ACVR1: variants seen among roughly 807,000 people sequenced by gnomAD.
ACVR1 encodes activin A receptor type 1.
Under a neutral mutation model 57.1 loss-of-function variants are expected in ACVR1, and 38 were observed. That is an observed-to-expected ratio of 0.67 (90% CI 0.51 to 0.87). The LOEUF (loss-of-function observed/expected upper bound fraction) is 0.87, where lower values mean the gene tolerates loss of function less well. Ranked by LOEUF, ACVR1 falls within the 40% of genes least tolerant of loss-of-function variation. The pLI, the probability that ACVR1 is intolerant of heterozygous loss-of-function variation, is 0.00. For synonymous variants in ACVR1, 212 were observed against 228.1 expected (o/e 0.93, Z 0.63); for missense variants, 463 against 638.2 (o/e 0.73, Z 2.96).
intron 1 of ACVR1, chr2:157,838,473 T>C (rs112409299): frequency 2.5e-4 from 38 of 152,122 alleles, no homozygotes; most frequent in Non-Finnish European, 4.0e-4. Flanking sequence ...TCTTTTTTAT[T>C]CAAAAAGGAA....
At chr2:157,859,449 G>A (rs1013868906) in intron 1 of ACVR1, among the ~76,000 whole-genome samples, 3 of 152,202 alleles carry the variant, frequency 2.0e-5, no homozygotes, top group Non-Finnish European at 4.4e-5. Context: ...CTATGGAGGA[G>A]CCATTCTTCC....
At chr2:157,837,377 A>T (rs1688818614) in intron 1 of ACVR1, among the ~76,000 whole-genome samples, 1 of 152,242 alleles carries the variant, frequency 6.6e-6, no homozygotes, top group South Asian at 2.1e-4. Flanking sequence ...ACAGTCACAG[A>T]AGAGAGCTTC....
intron 1 of ACVR1, among the ~76,000 whole-genome samples, chr2:157,834,750 T>G (rs1688718951): frequency 6.6e-6 from 1 of 152,190 alleles, no homozygotes; most frequent in Admixed American, 6.5e-5. Context: ...AATTCATATG[T>G]TGTAACCTAA....
chr2:157,803,960 T>C (rs1687423811), intron 2 of ACVR1, among the ~76,000 whole-genome samples: 1 of 152,188 alleles, frequency 6.6e-6, no homozygotes, highest in African/African-American at 2.4e-5. Context: ...AAACATGTTA[T>C]GAGAAAAGTG....
chr2:157,853,003 T>A (rs533044284), intron 1 of ACVR1, among the ~76,000 whole-genome samples: 1 of 152,342 alleles, frequency 6.6e-6, no homozygotes, highest in South Asian at 2.1e-4. Flanking sequence ...AAACTTATTG[T>A]AGCTAGTAAT....
intron 1 of ACVR1, among the ~76,000 whole-genome samples, chr2:157,828,275 C>T (rs1688459392): frequency 6.6e-6 from 1 of 151,886 alleles, no homozygotes; most frequent in Admixed American, 6.6e-5. Flanking sequence ...TGGTGAAACC[C>T]CGTCTCTACA....
At chr2:157,777,103 A>ATT (rs1686318716) in intron 5 of ACVR1, among the ~76,000 whole-genome samples, 1 of 152,192 alleles carries the variant, frequency 6.6e-6, no homozygotes, top group South Asian at 2.1e-4. Context: ...ATAACCTTCT[A>ATT]TTTAGAGCAA....
intron 1 of ACVR1, among the ~76,000 whole-genome samples, chr2:157,858,272 T>C (rs947143566): frequency 6.6e-6 from 1 of 152,066 alleles, no homozygotes; most frequent in Admixed American, 6.5e-5. Context: ...TCTCAGGCTG[T>C]TCCCAGACTC....
chr2:157,742,015 T>C (rs1042439150), intron 9 of ACVR1, among the ~76,000 whole-genome samples: 4 of 151,798 alleles, frequency 2.6e-5, no homozygotes, highest in Admixed American at 1.3e-4. Context: ...TCCTCTGACG[T>C]TGGAGAGGTG....
intron 1 of ACVR1, among the ~76,000 whole-genome samples, chr2:157,859,504 C>T (rs191233155): frequency 2.5e-3 from 386 of 152,304 alleles, no homozygotes; most frequent in African/African-American, 8.4e-3. Flanking sequence ...TATGGACTCG[C>T]CTCCAATTTT....
chr2:157,804,716 AC>A (rs1687455240), intron 2 of ACVR1, among the ~76,000 whole-genome samples: 1 of 152,210 alleles, frequency 6.6e-6, no homozygotes, highest in African/African-American at 2.4e-5. Flanking sequence ...TAACTAAGGT[AC>A]CCTCTTTAAA....
chr2:157,795,383 CACACACACACA>C (rs1687070025), intron 3 of ACVR1, among the ~76,000 whole-genome samples: 2 of 15,304 alleles, frequency 1.3e-4, no homozygotes, highest in Non-Finnish European at 6.1e-4. Context: ...ATAGAACACA[CACACACACACA>C]CACACACACA....
At chr2:157,764,145 G>T (rs192298233) in intron 8 of ACVR1, among the ~76,000 whole-genome samples, 30 of 152,020 alleles carry the variant, frequency 2.0e-4, no homozygotes, top group Non-Finnish European at 3.1e-4. Flanking sequence ...GGTGAGGTGG[G>T]CTTATTTTTT....
intron 3 of ACVR1, among the ~76,000 whole-genome samples, chr2:157,784,663 C>T (rs1686648945): frequency 6.6e-6 from 1 of 152,208 alleles, no homozygotes; most frequent in Admixed American, 6.5e-5. Flanking sequence ...GAGTTCTGAC[C>T]ACAAACAGGG....
chr2:157,738,641 G>T (rs1471941042), intron 9 of ACVR1, 71 bp from the exon 10 acceptor site: 27 of 1,605,226 alleles, frequency 1.7e-5, no homozygotes, highest in Non-Finnish European at 2.2e-5. Context: ...TCATTGATGG[G>T]TGTCACAGGT....
At chr2:157,800,129 A>G (rs1687268809) in intron 2 of ACVR1, among the ~76,000 whole-genome samples, 1 of 152,274 alleles carries the variant, frequency 6.6e-6, no homozygotes, top group Admixed American at 6.5e-5. Flanking sequence ...ATGTAAAAAT[A>G]AAAACAAACT....
intron 1 of ACVR1, among the ~76,000 whole-genome samples, chr2:157,866,715 T>C (rs1689950360): frequency 6.6e-6 from 1 of 152,236 alleles, no homozygotes; most frequent in African/African-American, 2.4e-5. Context: ...TTTGATTCTA[T>C]GAGCAGATGT....
chr2:157,832,126 G>C (rs1044315170), intron 1 of ACVR1, among the ~76,000 whole-genome samples: 7 of 152,062 alleles, frequency 4.6e-5, no homozygotes, highest in Admixed American at 1.3e-4. Context: ...CTTGAGGAAT[G>C]AACCTAGGCA....
rs756630764 is a variant in ACVR1, at chr2:157,799,481, C to T, written c.13G>A (p.Val5Met). Reference protein sequence around the residue: MVDGVMILPVLIMIA... With the variant: MVDGMMILPVLIMIA... ...ATGATAAGCACAGGAAGAATCATCACTCCATCTACCATTGTACAACTGTAA... is the reference window on the plus strand; with the variant it reads ...ATGATAAGCACAGGAAGAATCATCATTCCATCTACCATTGTACAACTGTAA... The change falls in exon 3 of 11, where the codon GTG (valine) becomes ATG (methionine). Residue 5 changes from valine to methionine, a missense_variant. Val to Met is a conservative substitution (Grantham distance 21). Transcript: ENST00000434821. 3 of 1,611,224 alleles carry T rather than the reference C, an allele frequency of 1.9e-6. No individual in the cohort carries two copies. Among genetic ancestry groups the T allele is most frequent in the African/African-American group, 1.3e-5 (1 of 74,772 alleles).
Sources: allele counts gnomAD v4.1 joint callset (sites outside exome capture counted in the v4.1 genomes callset), GRCh38; gene constraint gnomAD v4.1.1; transcripts MANE v1.5; gene names NCBI Gene and HGNC (gene_info 2026-07-23, HGNC 2026-07-21).